Variants in NRXN1 observed in about 807,000 individuals in gnomAD.
NRXN1 encodes the protein neurexin-1.
A neutral mutation model predicts 150.9 loss-of-function variants in NRXN1; 39 were observed. That is an observed-to-expected ratio of 0.26 (90% CI 0.20 to 0.34). The LOEUF (loss-of-function observed/expected upper bound fraction) is 0.34. NRXN1 is among the 10% of genes least tolerant of loss of function. NRXN1 has a pLI of 1.00. For missense variants in NRXN1, 1,815 were observed against 1,949.9 expected, an observed-to-expected ratio of 0.93 and a Z score of 1.30; for synonymous variants, 924 against 757.0, an observed-to-expected ratio of 1.22 and a Z score of -3.62.
At chr2:50,774,317 T>C (rs529054111) in intron 5 of NRXN1, among the ~76,000 whole-genome samples, 12 of 152,256 alleles carry the variant, frequency 7.9e-5, no homozygotes, top group Non-Finnish European at 1.5e-4. Flanking sequence ...TCAAATGAAA[T>C]GGTCTAATCA....
intron 17 of NRXN1, among the ~76,000 whole-genome samples, chr2:50,442,693 A>G (rs1458002603): frequency 6.6e-6 from 1 of 152,164 alleles, no homozygotes; most frequent in African/African-American, 2.4e-5. Flanking sequence ...ATAGTATTTA[A>G]GGGCATGAGA....
intron 17 of NRXN1, among the ~76,000 whole-genome samples, chr2:50,409,861 T>C (rs1487521376): frequency 6.6e-6 from 1 of 152,218 alleles, no homozygotes; most frequent in Non-Finnish European, 1.5e-5. Flanking sequence ...ACATCTTTTG[T>C]AACTGATTTT....
intron 5 of NRXN1, among the ~76,000 whole-genome samples, chr2:50,786,160 A>G (rs1415986784): frequency 2.0e-5 from 3 of 152,130 alleles, no homozygotes; most frequent in African/African-American, 7.2e-5. Flanking sequence ...GAACTGTAAT[A>G]CATATATAAA....
At chr2:50,785,137 G>C (rs1000939038) in intron 5 of NRXN1, among the ~76,000 whole-genome samples, 1 of 151,964 alleles carries the variant, frequency 6.6e-6, no homozygotes, top group Non-Finnish European at 1.5e-5. Flanking sequence ...TGAGGACACA[G>C]TGAGAAGGTG....
intron 8 of NRXN1, among the ~76,000 whole-genome samples, chr2:50,615,020 C>A (rs1412132194): frequency 6.6e-6 from 1 of 152,100 alleles, no homozygotes; most frequent in Non-Finnish European, 1.5e-5. Flanking sequence ...CAAGCATTTT[C>A]ACCAATAAGG....
At chr2:50,760,551 G>T (rs186538938) in intron 5 of NRXN1, among the ~76,000 whole-genome samples, 5 of 151,534 alleles carry the variant, frequency 3.3e-5, no homozygotes, top group Non-Finnish European at 4.4e-5. Context: ...TCTCAATATC[G>T]CCTTTTCTAC....
chr2:50,948,055 A>G (rs937204780), intron 2 of NRXN1, among the ~76,000 whole-genome samples: 48 of 152,002 alleles, frequency 3.2e-4, no homozygotes, highest in African/African-American at 9.9e-4. Flanking sequence ...ATTTTAAAAT[A>G]TATTAATATT....
intron 8 of NRXN1, among the ~76,000 whole-genome samples, chr2:50,612,286 G>A (rs1678287838): frequency 6.6e-6 from 1 of 152,080 alleles, no homozygotes; most frequent in Non-Finnish European, 1.5e-5. Context: ...CTGAGAAACT[G>A]GTGGTGCATC....
chr2:50,540,743 A>G (rs75734458), intron 9 of NRXN1, among the ~76,000 whole-genome samples: 3,608 of 152,024 alleles, frequency 0.024, 53 homozygotes, highest in East Asian at 0.067. Context: ...GCTCACTACA[A>G]CCTCTGCCAC....
chr2:50,955,143 A>T (rs531822621), intron 2 of NRXN1, among the ~76,000 whole-genome samples: 1 of 152,320 alleles, frequency 6.6e-6, no homozygotes, highest in East Asian at 1.9e-4. Context: ...GGGAAGTAAC[A>T]TTTTAATTCA....
chr2:50,712,691 C>T (rs947220763), intron 5 of NRXN1, among the ~76,000 whole-genome samples: 2 of 152,138 alleles, frequency 1.3e-5, no homozygotes, highest in African/African-American at 4.8e-5. Flanking sequence ...ATCATCTCAG[C>T]CCTTTAACTC....
At chr2:50,261,627 C>A (rs1464916043) in intron 17 of NRXN1, among the ~76,000 whole-genome samples, 1 of 151,726 alleles carries the variant, frequency 6.6e-6, no homozygotes, top group Admixed American at 6.6e-5. Flanking sequence ...ATAAACCAAC[C>A]AAAACAGTGT....
Position 49,942,609 on chromosome 2 carries a change from ATTATT to A in NRXN1, c.4216+1090_4216+1094del, listed in dbSNP as rs554662101. Among the ~76,000 whole-genome samples the A allele has an allele frequency of 5.9e-3, 893 of 150,264 alleles. 6 individuals carry two copies. The highest frequency in any genetic ancestry group is 0.02 in the African/African-American group (820 of 41,054). ...AAACAATATTATTATTATTATTATT[ATTATT>A]TTATTATTATTTTGAGACAAAATCC... On this transcript the variant is annotated intron_variant, in intron 22 of 22. Coordinates refer to ENST00000401669, the MANE Select transcript of NRXN1 (RefSeq NM_001330078.2).
At chr2:50,135,752 C>T (rs1706307942) in intron 18 of NRXN1, among the ~76,000 whole-genome samples, 1 of 152,042 alleles carries the variant, frequency 6.6e-6, no homozygotes, top group African/African-American at 2.4e-5. Flanking sequence ...CCAATAATGT[C>T]TGAGCAAAAT....
chr2:50,131,537 T>A (rs13008902), intron 18 of NRXN1, among the ~76,000 whole-genome samples: 1 of 151,948 alleles, frequency 6.6e-6, no homozygotes, highest in Admixed American at 6.6e-5. Flanking sequence ...CTCTGTGATC[T>A]CCAAAGAGCT....
chr2:50,844,314 C>T (rs1007367612), intron 5 of NRXN1, among the ~76,000 whole-genome samples: 20 of 152,162 alleles, frequency 1.3e-4, no homozygotes, highest in East Asian at 9.6e-4. Context: ...TCCACTTCTC[C>T]GCTTAAATTT....
chr2:50,694,180 A>T (rs1486197619), intron 5 of NRXN1, among the ~76,000 whole-genome samples: 1 of 152,200 alleles, frequency 6.6e-6, no homozygotes, highest in Non-Finnish European at 1.5e-5. Flanking sequence ...ATGGGTACCA[A>T]ATAGAAACGT....
At chr2:50,916,529 CATT>C (rs780373453) in intron 5 of NRXN1, among the ~76,000 whole-genome samples, 3 of 151,476 alleles carry the variant, frequency 2.0e-5, no homozygotes, top group East Asian at 3.9e-4. Flanking sequence ...AACATAAAGT[CATT>C]ATTTTGGAGA....
chr2:50,892,984 T>C (rs1014045581), intron 5 of NRXN1, among the ~76,000 whole-genome samples: 1 of 152,122 alleles, frequency 6.6e-6, no homozygotes, highest in Non-Finnish European at 1.5e-5. Context: ...GCAGGAAGAT[T>C]GGGACCTGGC....
Sources: allele counts gnomAD v4.1 joint callset (sites outside exome capture counted in the v4.1 genomes callset), GRCh38; gene constraint gnomAD v4.1.1; transcripts MANE v1.5; gene names NCBI Gene and HGNC (gene_info 2026-07-23, HGNC 2026-07-21).